Variants in RGS7 observed in about 807,000 individuals in gnomAD.
RGS7 encodes regulator of G protein signaling 7.
In RGS7, 27 loss-of-function variants were observed where a neutral mutation model predicts 81.1. The ratio of observed to expected loss-of-function variants is 0.33; its 90% CI spans 0.25 to 0.46. The LOEUF is 0.46. Ranked by LOEUF, RGS7 falls within the 20% of genes least tolerant of loss-of-function variation. The probability of loss-of-function intolerance (pLI) is 1.00; values close to 1 mark genes in which losing one functional copy is unlikely to be tolerated. For missense variants in RGS7, 396 were observed against 607.4 expected (o/e 0.65, Z 3.66); for synonymous variants, 208 against 207.7 (o/e 1.00, Z -0.01).
chr1:241,068,860 G>A (rs1334561232), intron 3 of RGS7, among the ~76,000 whole-genome samples: 1 of 152,164 alleles, frequency 6.6e-6, no homozygotes, highest in African/African-American at 2.4e-5. Flanking sequence ...CATGAGGGTG[G>A]ATTTCTCGTG....
intron 3 of RGS7, chr1:240,998,609 C>A: frequency 1.1e-6 from 1 of 871,238 alleles, no homozygotes. Context: ...CCAGCCCCTA[C>A]ATTGCAGAGG....
intron 2 of RGS7, among the ~76,000 whole-genome samples, chr1:241,202,011 G>C (rs370122021): frequency 1.3e-4 from 19 of 145,028 alleles, no homozygotes; most frequent in African/African-American, 2.3e-4. Context: ...GACACACACA[G>C]ACACACACAC....
chr1:241,022,701 C>T (rs1359883763), intron 3 of RGS7, among the ~76,000 whole-genome samples: 1 of 152,156 alleles, frequency 6.6e-6, no homozygotes, highest in African/African-American at 2.4e-5. Context: ...CCTGAGTTTT[C>T]AGGAAAATTG....
chr1:241,319,960 G>A (rs2081116213), intron 2 of RGS7, among the ~76,000 whole-genome samples: 1 of 151,958 alleles, frequency 6.6e-6, no homozygotes, highest in African/African-American at 2.4e-5. Flanking sequence ...GCCTGGTGGT[G>A]TGCGCCTTTA....
At chr1:241,340,950 A>AC (rs147325445) in intron 2 of RGS7, among the ~76,000 whole-genome samples, 2,595 of 152,294 alleles carry the variant, frequency 0.017, 84 homozygotes, top group African/African-American at 0.059. Flanking sequence ...CTCTTACAGG[A>AC]TGGGACTGCC....
intron 4 of RGS7, among the ~76,000 whole-genome samples, chr1:240,940,661 G>C (rs936222305): frequency 6.6e-6 from 1 of 152,192 alleles, no homozygotes; most frequent in Middle Eastern, 3.2e-3. Flanking sequence ...TAGACAGTAA[G>C]AGGAGCTTCT....
intron 2 of RGS7, among the ~76,000 whole-genome samples, chr1:241,348,580 A>G (rs962658165): frequency 6.6e-6 from 1 of 152,242 alleles, no homozygotes; most frequent in Non-Finnish European, 1.5e-5. Flanking sequence ...CTTCAGGCAA[A>G]TTGTGTTACT....
chr1:240,801,172 TA>T (rs1376605362), intron 17 of RGS7, among the ~76,000 whole-genome samples: 1 of 152,122 alleles, frequency 6.6e-6, no homozygotes, highest in Non-Finnish European at 1.5e-5. Context: ...AAATAAAATA[TA>T]AAGAATAATT....
At chr1:241,213,687 T>A (rs1410761950) in intron 2 of RGS7, among the ~76,000 whole-genome samples, 1 of 152,250 alleles carries the variant, frequency 6.6e-6, no homozygotes, top group Non-Finnish European at 1.5e-5. Context: ...TAAAGTTTAC[T>A]TCTACCTAGA....
At chr1:241,297,934 T>C (rs2079522227) in intron 2 of RGS7, among the ~76,000 whole-genome samples, 1 of 152,186 alleles carries the variant, frequency 6.6e-6, no homozygotes, top group Non-Finnish European at 1.5e-5. Context: ...TCTAGTATGT[T>C]GCAAAGTTTA....
intron 3 of RGS7, among the ~76,000 whole-genome samples, chr1:241,095,220 G>A (rs1349800231): frequency 3.9e-5 from 6 of 152,156 alleles, no homozygotes; most frequent in Non-Finnish European, 8.8e-5. Flanking sequence ...AAGGCAATAT[G>A]TCTTAAACTT....
At chr1:241,316,815 A>C (rs1233243869) in intron 2 of RGS7, among the ~76,000 whole-genome samples, 2 of 152,182 alleles carry the variant, frequency 1.3e-5, no homozygotes, top group African/African-American at 4.8e-5. Flanking sequence ...AATTTTTCAG[A>C]AGATGAATGT....
At chr1:240,929,024 T>C (rs989003565) in intron 6 of RGS7, among the ~76,000 whole-genome samples, 2 of 152,240 alleles carry the variant, frequency 1.3e-5, no homozygotes, top group Non-Finnish European at 2.9e-5. Flanking sequence ...CAATACTAGT[T>C]TCCTTAGCTG....
At chr1:241,061,530 A>G (rs1050082647) in intron 3 of RGS7, among the ~76,000 whole-genome samples, 7 of 152,342 alleles carry the variant, frequency 4.6e-5, no homozygotes, top group Non-Finnish European at 8.8e-5. Flanking sequence ...GGTCTCCCCA[A>G]TAAAAGGGAC....
At chr1:241,348,481 A>G in intron 2 of RGS7, among the ~76,000 whole-genome samples, 1 of 152,232 alleles carries the variant, frequency 6.6e-6, no homozygotes. Flanking sequence ...TAAATTACAA[A>G]CACAAAGTCT....
chr1:240,866,178 G>A (rs1413747554), intron 9 of RGS7, among the ~76,000 whole-genome samples: 1 of 152,230 alleles, frequency 6.6e-6, no homozygotes, highest in African/African-American at 2.4e-5. Context: ...GCCATTCTCA[G>A]AGGCTCATGA....
At chr1:241,348,163 A>G (rs2148727012) in intron 2 of RGS7, among the ~76,000 whole-genome samples, 1 of 152,336 alleles carries the variant, frequency 6.6e-6, no homozygotes, top group East Asian at 1.9e-4. Context: ...CAGTTACCTC[A>G]CGTGGCTAGT....
At chr1:241,246,604 G>C (rs1190140050) in intron 2 of RGS7, among the ~76,000 whole-genome samples, 1 of 152,130 alleles carries the variant, frequency 6.6e-6, no homozygotes, top group Non-Finnish European at 1.5e-5. Context: ...TCTGGATTTC[G>C]ATTGAGTACT....
At chr1:241,268,649 A>C (rs2077719045) in intron 2 of RGS7, among the ~76,000 whole-genome samples, 1 of 152,056 alleles carries the variant, frequency 6.6e-6, no homozygotes, top group African/African-American at 2.4e-5. Flanking sequence ...CCACATGTGA[A>C]GATTTTCTTG....
Sources: gnomAD v4.1 joint callset for allele counts (sites outside exome capture counted in the v4.1 genomes callset) on GRCh38, gnomAD v4.1.1 for gene constraint, MANE v1.5 for transcripts, NCBI Gene and HGNC (gene_info 2026-07-23, HGNC 2026-07-21) for gene names.